Variants in KCTD14 observed in about 807,000 individuals in gnomAD.
KCTD14 encodes potassium channel tetramerization domain containing 14.
Under a neutral mutation model 5.9 loss-of-function variants are expected in KCTD14, and 7 were observed. That is an observed-to-expected ratio of 1.19 (90% CI 0.68 to 2.23). KCTD14 has a LOEUF of 2.23. KCTD14 is among the 30% of genes most tolerant of loss of function. The pLI is 0.00. For missense variants in KCTD14, 342 were observed against 332.2 expected (o/e 1.03, Z -0.23); for synonymous variants, 140 against 133.1 (o/e 1.05, Z -0.36).
At chr11:78,023,426 A>G, upstream of KCTD14, 1 of 601,436 alleles carries the variant, frequency 1.7e-6, no homozygotes, top group Non-Finnish European at 2.9e-6. Context: ...GGCCCTGAGA[A>G]GGGCTGACTT....
intron 2 of KCTD14, among the ~76,000 whole-genome samples, chr11:78,033,901 G>GTGTGTGTGTACACATATATATATATATA: frequency 8.7e-6 from 1 of 115,604 alleles, no homozygotes; most frequent in Non-Finnish European, 1.7e-5. Flanking sequence ...GTGTGTGTGT[G>GTGTGTGTGTACACATATATATATATATA]TATATATATA....
chr11:78,036,864 G>A (rs575489091), intron 2 of KCTD14, among the ~76,000 whole-genome samples: 1 of 152,292 alleles, frequency 6.6e-6, no homozygotes, highest in South Asian at 2.1e-4. Flanking sequence ...CGGATAAATC[G>A]CTGCTAAGTG....
intron 1 of KCTD14, among the ~76,000 whole-genome samples, chr11:78,019,580 C>A (rs1321728337): frequency 6.6e-6 from 1 of 152,142 alleles, no homozygotes; most frequent in Non-Finnish European, 1.5e-5. Context: ...GCCTCCCAAG[C>A]AGGTGGGATT....
At chr11:78,023,107 G>A (rs1857349092) in intron 1 of KCTD14, 53 bp downstream of exon 1, 3 of 1,214,614 alleles carry the variant, frequency 2.5e-6, no homozygotes, top group African/African-American at 1.5e-5. Flanking sequence ...GGAAGAGGCG[G>A]AGGGAAGAGG....
chr11:78,038,178 G>T (rs984294146), intron 2 of KCTD14, among the ~76,000 whole-genome samples: 2 of 152,128 alleles, frequency 1.3e-5, no homozygotes, highest in Non-Finnish European at 2.9e-5. Context: ...ACAGAACGAA[G>T]TAGCCAACAT....
At chr11:78,036,551 G>A (rs968253569) in intron 2 of KCTD14, among the ~76,000 whole-genome samples, 1 of 152,200 alleles carries the variant, frequency 6.6e-6, no homozygotes, top group Non-Finnish European at 1.5e-5. Context: ...ATATACATCT[G>A]GCTGTAAAGC....
intron 2 of KCTD14, among the ~76,000 whole-genome samples, chr11:78,028,791 A>G (rs1857539676): frequency 6.6e-6 from 1 of 152,108 alleles, no homozygotes; most frequent in African/African-American, 2.4e-5. Context: ...CAATACAAAA[A>G]TTAACTGGGT....
At chr11:78,028,402 A>G (rs779695080) in intron 2 of KCTD14, among the ~76,000 whole-genome samples, 2 of 152,116 alleles carry the variant, frequency 1.3e-5, no homozygotes, top group African/African-American at 4.8e-5. Context: ...CAAGAGTTCA[A>G]TACCAGCCTG....
chr11:78,023,325 G>A (rs12420553), upstream of KCTD14: 284,274 of 1,450,794 alleles, frequency 0.2, 29,876 homozygotes, highest in Admixed American at 0.35. Context: ...AAGGCGGGAC[G>A]GGGCTGAGCC....
intron 1 of KCTD14, among the ~76,000 whole-genome samples, chr11:78,042,936 T>C (rs953488889): frequency 6.6e-6 from 1 of 152,238 alleles, no homozygotes; most frequent in Non-Finnish European, 1.5e-5. Flanking sequence ...TAATTTTTCA[T>C]TATGCAAATG....
intron 1 of KCTD14, among the ~76,000 whole-genome samples, chr11:78,043,706 G>A (rs965421465): frequency 9.9e-5 from 15 of 152,166 alleles, no homozygotes; most frequent in African/African-American, 3.6e-4. Flanking sequence ...GGAGAAGCAG[G>A]GGCAGGATTC....
upstream of KCTD14, among the ~76,000 whole-genome samples, chr11:78,026,843 A>T (rs1198084350): frequency 6.6e-6 from 1 of 152,136 alleles, no homozygotes; most frequent in African/African-American, 2.4e-5. Flanking sequence ...TCACACCTGT[A>T]ATCCCAGCAC....
chr11:78,023,458 G>C, upstream of KCTD14: 1 of 572,264 alleles, frequency 1.7e-6, no homozygotes, highest in Non-Finnish European at 3.1e-6. Flanking sequence ...AAATGGAGCA[G>C]ACCCCTTAAG....
At chr11:78,028,908 T>A (rs142279604) in intron 2 of KCTD14, among the ~76,000 whole-genome samples, 1 of 151,834 alleles carries the variant, frequency 6.6e-6, no homozygotes, top group African/African-American at 2.4e-5. Context: ...ATGACATGCA[T>A]AAAAATGAGG....
intron 1 of KCTD14, among the ~76,000 whole-genome samples, chr11:78,020,068 G>T (rs770522208): frequency 2.6e-5 from 4 of 152,210 alleles, no homozygotes; most frequent in Non-Finnish European, 5.9e-5. Flanking sequence ...TCACAGTGGA[G>T]ACAGCGAAAT....
chr11:78,042,013 C>T (rs1467091553), intron 1 of KCTD14, among the ~76,000 whole-genome samples: 1 of 152,138 alleles, frequency 6.6e-6, no homozygotes, highest in East Asian at 1.9e-4. Context: ...GGCCTGCCAC[C>T]ATCTTGGAAG....
upstream of KCTD14, chr11:78,023,307 C>T: frequency 1.3e-6 from 2 of 1,565,438 alleles, no homozygotes; most frequent in East Asian, 2.3e-5. Flanking sequence ...GTGGGAACAC[C>T]GAGGCTCAAG....
At chr11:78,017,520 T>C (rs1408933259) in intron 1 of KCTD14, among the ~76,000 whole-genome samples, 1 of 150,776 alleles carries the variant, frequency 6.6e-6, no homozygotes, top group Non-Finnish European at 1.5e-5. Context: ...CAATCTCGGC[T>C]CACTGCAACT....
intron 1 of KCTD14, among the ~76,000 whole-genome samples, chr11:78,018,214 T>C (rs369877804): frequency 1.3e-5 from 2 of 152,074 alleles, no homozygotes; most frequent in East Asian, 3.9e-4. Flanking sequence ...CAAGCCTTTT[T>C]CCCTCTTACA....
Sources: gnomAD v4.1 joint callset for allele counts (sites outside exome capture counted in the v4.1 genomes callset) on GRCh38, gnomAD v4.1.1 for gene constraint, MANE v1.5 for transcripts, NCBI Gene and HGNC (gene_info 2026-07-23, HGNC 2026-07-21) for gene names.